The following GPM6A variants were observed in gnomAD, a reference collection of about 807,000 sequenced individuals.
The protein encoded by GPM6A is glycoprotein M6A.
In GPM6A, 7 loss-of-function variants were observed where a neutral mutation model predicts 32.1. That is an observed-to-expected ratio of 0.22 (90% CI 0.12 to 0.41). GPM6A has a LOEUF of 0.41. Among genes scored for constraint, GPM6A ranks in the 10% least tolerant of loss-of-function variants. GPM6A has a pLI of 1.00. For synonymous variants in GPM6A, 130 were observed against 123.4 expected (o/e 1.05, Z -0.35); for missense variants, 235 against 347.2 (o/e 0.68, Z 2.57).
rs186889783 is a variant in GPM6A at position 175,918,773 on chromosome 4, C to T, written c.-23+83536G>A. On this transcript the variant is annotated intron_variant, in intron 1 of 7. Coordinates refer to the GPM6A transcript ENST00000280187. ...AATGCAGAAATGTATATTTAAATTT[C>T]TTTTAACAATTTGTGAAACAACAGC... 4.2e-3 allele frequency among the ~76,000 whole-genome samples: 638 copies of T among 152,188 alleles called. 6 individuals are homozygous for T. The highest frequency in any genetic ancestry group is 0.015 in the African/African-American group (615 of 41,538).
At chr4:175,875,399 T>C (rs1259905947) in intron 1 of GPM6A, among the ~76,000 whole-genome samples, 2 of 152,162 alleles carry the variant, frequency 1.3e-5, no homozygotes, top group East Asian at 3.9e-4. Flanking sequence ...ACAGACAGAG[T>C]TGGAAGACTG....
At chr4:175,913,611 C>G (rs1738391761) in intron 1 of GPM6A, among the ~76,000 whole-genome samples, 1 of 152,176 alleles carries the variant, frequency 6.6e-6, no homozygotes, top group Non-Finnish European at 1.5e-5. Context: ...CCGGCCACAT[C>G]AGCGAATTTG....
At chr4:175,838,562 C>T (rs528363715) in intron 1 of GPM6A, among the ~76,000 whole-genome samples, 126 of 151,436 alleles carry the variant, frequency 8.3e-4, no homozygotes, top group Non-Finnish European at 1.5e-3. Flanking sequence ...ACTACATCCC[C>T]GTTCACATTT....
chr4:175,778,269 C>T (rs1733472004), intron 1 of GPM6A, among the ~76,000 whole-genome samples: 2 of 152,128 alleles, frequency 1.3e-5, no homozygotes, highest in African/African-American at 4.8e-5. Flanking sequence ...TTGGGTACTA[C>T]TATTTAAAAT....
At chr4:175,907,970 C>T (rs1317406346) in intron 1 of GPM6A, among the ~76,000 whole-genome samples, 4 of 152,054 alleles carry the variant, frequency 2.6e-5, no homozygotes, top group South Asian at 2.1e-4. Context: ...ATATATTCTT[C>T]GTCTCCTACA....
intron 2 of GPM6A, among the ~76,000 whole-genome samples, chr4:175,694,621 C>G (rs565372361): frequency 1.5e-4 from 23 of 151,958 alleles, no homozygotes; most frequent in African/African-American, 5.3e-4. Flanking sequence ...TATTCACAAC[C>G]AAAGAAAGGA....
At chr4:175,790,891 C>T (rs940150299) in intron 1 of GPM6A, among the ~76,000 whole-genome samples, 1 of 152,090 alleles carries the variant, frequency 6.6e-6, no homozygotes, top group Non-Finnish European at 1.5e-5. Flanking sequence ...AATATTTAAA[C>T]TAATCCTTTA....
intron 1 of GPM6A, among the ~76,000 whole-genome samples, chr4:175,712,042 A>T (rs1745585826): frequency 2.0e-5 from 3 of 152,200 alleles, no homozygotes; most frequent in Non-Finnish European, 2.9e-5. Context: ...CACACAAAGA[A>T]ATCTATGACA....
At position 175,710,701 on chromosome 4, in the gene GPM6A, G is replaced by T. The variant is rs191853979; in HGVS notation, c.38-8934C>A. On this transcript the variant is annotated intron_variant, in intron 1 of 6. Transcript: ENST00000393658. ...GGCTTGTGGTACCAAATTCTCAGGA[G>T]ACATATTTTCCCCCTCAACTCACTC... Among the ~76,000 whole-genome samples, 5 of 152,210 alleles carry T rather than the reference G, an allele frequency of 3.3e-5. No homozygotes were observed. In the East Asian group the frequency reaches 9.7e-4, roughly 29 times the overall value.
intron 1 of GPM6A, among the ~76,000 whole-genome samples, chr4:175,799,906 CAG>C (rs756566810): frequency 6.6e-6 from 1 of 152,156 alleles, no homozygotes; most frequent in African/African-American, 2.4e-5. Context: ...CAAAAACAAA[CAG>C]AATATCCTTG....
In GPM6A at chr4:175,936,471, G is replaced by A. The variant is rs76184993; in HGVS notation, c.-23+65838C>T. Among the ~76,000 whole-genome samples the A allele has an allele frequency of 3.9e-3, 593 of 151,434 alleles. 6 individuals are homozygous for A. The highest frequency in any genetic ancestry group is 0.014 in the African/African-American group (574 of 40,962). Reference sequence around the variant, plus strand: ...CAGTCCTTTAGCCCACTAGAACATAGTTACCCAGAGAGCAGTTGGGATTGC... The same window carrying A: ...CAGTCCTTTAGCCCACTAGAACATAATTACCCAGAGAGCAGTTGGGATTGC... On this transcript the variant is annotated intron_variant, in intron 1 of 7. Transcript: ENST00000280187.
At chr4:175,851,860 G>C (rs1736269034) in intron 1 of GPM6A, among the ~76,000 whole-genome samples, 1 of 152,110 alleles carries the variant, frequency 6.6e-6, no homozygotes, top group South Asian at 2.1e-4. Flanking sequence ...TTATCACTTA[G>C]TTTCCAGTAA....
At chr4:175,822,408 T>C (rs2111351530) in intron 1 of GPM6A, among the ~76,000 whole-genome samples, 1 of 152,246 alleles carries the variant, frequency 6.6e-6, no homozygotes, top group African/African-American at 2.4e-5. Flanking sequence ...TTTTGGTATA[T>C]CCAAAAATGG....
chr4:175,717,130 C>A (rs1483222245), intron 1 of GPM6A, among the ~76,000 whole-genome samples: 6 of 151,968 alleles, frequency 3.9e-5, no homozygotes, highest in Non-Finnish European at 8.8e-5. Flanking sequence ...CCCACTGCGG[C>A]CCACTTGGCT....
chr4:175,946,716 G>A (rs536422228), intron 1 of GPM6A, among the ~76,000 whole-genome samples: 37 of 152,290 alleles, frequency 2.4e-4, no homozygotes, highest in Non-Finnish European at 5.3e-4. Flanking sequence ...GGGCAGGGCA[G>A]GACGATGCCA....
chr4:175,748,308 G>A (rs565197188), intron 1 of GPM6A, among the ~76,000 whole-genome samples: 2 of 152,258 alleles, frequency 1.3e-5, no homozygotes, highest in East Asian at 3.9e-4. Flanking sequence ...AGATATATGA[G>A]AGAAATCTCT....
chr4:175,719,944 A>G (rs1746028266), intron 1 of GPM6A, among the ~76,000 whole-genome samples: 1 of 152,216 alleles, frequency 6.6e-6, no homozygotes. Context: ...TTCAAATGTT[A>G]TAGAAGAAAC....
At chr4:175,933,840 G>A (rs918748663) in intron 1 of GPM6A, among the ~76,000 whole-genome samples, 2 of 152,064 alleles carry the variant, frequency 1.3e-5, no homozygotes, top group African/African-American at 2.4e-5. Flanking sequence ...CACTGCGCCC[G>A]GCCAGAAGTT....
chr4:175,776,575 G>T (rs1031468158), intron 1 of GPM6A, among the ~76,000 whole-genome samples: 11 of 152,102 alleles, frequency 7.2e-5, no homozygotes, highest in Admixed American at 4.6e-4. Flanking sequence ...GCATGACAAG[G>T]GTTAGCAACA....
Sources: gnomAD v4.1 joint callset for allele counts (sites outside exome capture counted in the v4.1 genomes callset) on GRCh38, gnomAD v4.1.1 for gene constraint, MANE v1.5 for transcripts, NCBI Gene and HGNC (gene_info 2026-07-23, HGNC 2026-07-21) for gene names.